Variants in AGBL1 observed in about 807,000 individuals in gnomAD.
AGBL1 encodes AGBL carboxypeptidase 1.
A neutral mutation model predicts 118.9 loss-of-function variants in AGBL1; 130 were observed. The observed-to-expected ratio is 1.09, with a 90% CI of 0.95 to 1.26. The LOEUF is 1.26. Ranked by LOEUF, AGBL1 falls within the 50% of genes most tolerant of loss-of-function variation. The pLI is 0.00. For missense variants in AGBL1, 1,584 were observed against 1,298.1 expected (o/e 1.22, Z -3.38); for synonymous variants, 555 against 478.9 (o/e 1.16, Z -2.08).
intron 21 of AGBL1, among the ~76,000 whole-genome samples, chr15:86,609,850 C>T (rs1438640863): frequency 1.3e-5 from 2 of 152,186 alleles, no homozygotes; most frequent in East Asian, 3.9e-4. Context: ...CCCTCGACTA[C>T]TTATTAAATG....
At chr15:86,450,970 G>T (rs2082185675) in intron 18 of AGBL1, among the ~76,000 whole-genome samples, 1 of 151,948 alleles carries the variant, frequency 6.6e-6, no homozygotes, top group African/African-American at 2.4e-5. Context: ...CTTGGGGTTT[G>T]TCATCAGCTA....
intron 18 of AGBL1, among the ~76,000 whole-genome samples, chr15:86,400,019 A>T (rs2081421620): frequency 6.6e-6 from 1 of 152,180 alleles, no homozygotes; most frequent in Non-Finnish European, 1.5e-5. Flanking sequence ...TTATGAAAAA[A>T]CTTGAGACTG....
intron 23 of AGBL1, among the ~76,000 whole-genome samples, chr15:86,985,741 A>G (rs1403204455): frequency 6.6e-6 from 1 of 152,222 alleles, no homozygotes. Flanking sequence ...AACGAAGTCC[A>G]ACGTATCAAC....
intron 1 of AGBL1, among the ~76,000 whole-genome samples, chr15:86,106,932 G>A (rs753596617): frequency 6.6e-6 from 1 of 152,286 alleles, no homozygotes; most frequent in East Asian, 1.9e-4. Flanking sequence ...GAACCAACTG[G>A]CAGTGATCAA....
Position 86,161,204 on chromosome 15 carries a change from G to A in AGBL1, c.488+2178G>A, listed in dbSNP as rs193241072. ...TGTTTTGTAAATTTTGGGCAAGATG[G>A]TTTTCCTTCTTCAGTCAAATGCCAT... On this transcript the variant is annotated intron_variant, in intron 5 of 22. Coordinates refer to ENST00000614907, the MANE Select transcript of AGBL1 (RefSeq NM_001386094.1). 3.1e-4 allele frequency among the ~76,000 whole-genome samples: 47 copies of A among 152,216 alleles called. No homozygotes were observed. The South Asian group carries it at 3.7e-3, about 12-fold the overall frequency.
chr15:86,686,595 G>A (rs1044183424), intron 22 of AGBL1, among the ~76,000 whole-genome samples: 4 of 151,786 alleles, frequency 2.6e-5, no homozygotes, highest in African/African-American at 4.8e-5. Flanking sequence ...GTGCTACCAC[G>A]CCCAGCTAAT....
At position 86,379,979 on chromosome 15, in the gene AGBL1, A is replaced by G. The variant is rs1328114364; in HGVS notation, c.2375-17387A>G. ...TTTAAATGATGACTTGATTTGTAAA[A>G]TATTCATTTACATGCAATCTGTAAG... On this transcript the variant is annotated intron_variant, in intron 17 of 22. Coordinates refer to ENST00000614907, the MANE Select transcript of AGBL1 (RefSeq NM_001386094.1). Among the ~76,000 whole-genome samples, 3 of 152,214 alleles carry G rather than the reference A, an allele frequency of 2.0e-5. No homozygotes were observed. The East Asian group carries it at 5.8e-4, about 29-fold the overall frequency.
intron 22 of AGBL1, among the ~76,000 whole-genome samples, chr15:86,675,441 G>A (rs1036183482): frequency 6.6e-6 from 1 of 152,120 alleles, no homozygotes; most frequent in Non-Finnish European, 1.5e-5. Flanking sequence ...TGGTTTTTCT[G>A]AGACTTGATT....
intron 22 of AGBL1, among the ~76,000 whole-genome samples, chr15:86,905,429 G>GC (rs1160923039): frequency 6.6e-6 from 1 of 152,182 alleles, no homozygotes; most frequent in African/African-American, 2.4e-5. Flanking sequence ...TATTAGGAGT[G>GC]CCAATTTGGC....
At chr15:86,940,581 T>G (rs536448385) in intron 23 of AGBL1, among the ~76,000 whole-genome samples, 13 of 152,180 alleles carry the variant, frequency 8.5e-5, no homozygotes, top group Non-Finnish European at 1.9e-4. Context: ...ACAAACTAAG[T>G]GCACACACAA....
chr15:86,827,565 T>G (rs1157100298), intron 22 of AGBL1, among the ~76,000 whole-genome samples: 3 of 125,616 alleles, frequency 2.4e-5, no homozygotes, highest in Non-Finnish European at 5.1e-5. Context: ...GAATGTATGA[T>G]GGACATAGAT....
chr15:86,946,234 G>C (rs2080819164), intron 23 of AGBL1: 1 of 152,240 alleles, frequency 6.6e-6, no homozygotes, highest in Non-Finnish European at 1.5e-5. Context: ...AAAAGTTGTT[G>C]AAGAGTCACG....
At chr15:86,550,618 A>G (rs1043526491) in intron 20 of AGBL1, among the ~76,000 whole-genome samples, 7 of 152,138 alleles carry the variant, frequency 4.6e-5, no homozygotes, top group African/African-American at 1.7e-4. Context: ...CTGACATACA[A>G]GAAGAAAAAG....
rs367822881 is a variant in AGBL1, at chr15:86,399,115, G to T, written c.2555+1569G>T. 2.5e-3 allele frequency among the ~76,000 whole-genome samples: 387 copies of T among 152,272 alleles called. 1 individual carries two copies. The highest frequency in any genetic ancestry group is 9.0e-3 in the African/African-American group (374 of 41,558). The stretch of plus-strand genomic sequence containing the variant: ...GCACATGGGAAAACTGGGAGGCCAA[G>T]TTCTTCACTAAGAAACTCGATCAGA... On this transcript the variant is annotated intron_variant, in intron 18 of 22. Coordinates refer to ENST00000614907, the MANE Select transcript of AGBL1 (RefSeq NM_001386094.1).
chr15:86,727,850 T>C (rs2086843612), intron 22 of AGBL1, among the ~76,000 whole-genome samples: 1 of 152,156 alleles, frequency 6.6e-6, no homozygotes, highest in African/African-American at 2.4e-5. Flanking sequence ...TCTAGAAAGG[T>C]TCAGTGACTG....
Position 86,256,985 on chromosome 15 carries a change from A to C in AGBL1, c.868A>C (p.Ile290Leu), listed in dbSNP as rs1390866. ...SAYAFPVPGC[I>L]TTEPPHDLPE... ...CTATGCCTTCCCGGTCCCCGGGTGCATCACCACTGAACCTCCACATGATCT... is the reference window on the plus strand; with the variant it reads ...CTATGCCTTCCCGGTCCCCGGGTGCCTCACCACTGAACCTCCACATGATCT... Residue 290 changes from isoleucine (I) to leucine (L), a missense_variant, in exon 8 of 23, where the codon ATC (isoleucine) becomes CTC (leucine). Transcript: ENST00000614907. 1.9e-6 allele frequency: 3 copies of C among 1,613,954 alleles called. No homozygotes were observed. The Admixed American group carries it at 5.0e-5, about 27-fold the overall frequency.
intron 1 of AGBL1, among the ~76,000 whole-genome samples, chr15:86,124,042 G>A (rs1354891159): frequency 2.0e-5 from 3 of 152,002 alleles, no homozygotes; most frequent in African/African-American, 7.2e-5. Flanking sequence ...TAACGATAAT[G>A]TACCAGGCGG....
intron 21 of AGBL1, among the ~76,000 whole-genome samples, chr15:86,569,692 G>C (rs2083973790): frequency 6.6e-6 from 1 of 152,164 alleles, no homozygotes; most frequent in Non-Finnish European, 1.5e-5. Context: ...CATCATGATA[G>C]AATATTAAAA....
chr15:86,818,405 C>G (rs760630039), intron 22 of AGBL1, among the ~76,000 whole-genome samples: 1 of 152,186 alleles, frequency 6.6e-6, no homozygotes. Context: ...CTATTGTGAA[C>G]TGCACATGCA....
Sources: allele counts gnomAD v4.1 joint callset (sites outside exome capture counted in the v4.1 genomes callset), GRCh38; gene constraint gnomAD v4.1.1; transcripts MANE v1.5; gene names NCBI Gene and HGNC (gene_info 2026-07-23, HGNC 2026-07-21).